HMCN2: variants seen among roughly 807,000 people sequenced by gnomAD.
The protein encoded by HMCN2 is hemicentin-2.
A neutral mutation model predicts 377.5 loss-of-function variants in HMCN2; 325 were observed. That is an observed-to-expected ratio of 0.86 (90% confidence interval 0.79 to 0.94). The LOEUF is 0.94. Among genes scored for constraint, HMCN2 ranks in the 40% least tolerant of loss-of-function variants. HMCN2 has a pLI of 0.00. For synonymous variants in HMCN2, 2,007 were observed against 2,046.8 expected (o/e 0.98, Z 0.53); for missense variants, 4,543 against 4,725.3 (o/e 0.96, Z 1.13).
chr9:130,353,670 G>A (rs1839853730), intron 31 of HMCN2, among the ~76,000 whole-genome samples: 1 of 152,204 alleles, frequency 6.6e-6, no homozygotes, highest in Non-Finnish European at 1.5e-5. Context: ...GAGCAGAGAG[G>A]TTTCCCCAGG....
At chr9:130,298,621 C>G (rs574485114) in intron 7 of HMCN2, among the ~76,000 whole-genome samples, 1 of 152,124 alleles carries the variant, frequency 6.6e-6, no homozygotes, top group Non-Finnish European at 1.5e-5. Flanking sequence ...AACCTGAACA[C>G]GGGGAGAGTC....
intron 1 of HMCN2, among the ~76,000 whole-genome samples, chr9:130,277,751 C>T (rs932803824): frequency 3.0e-4 from 38 of 127,238 alleles, no homozygotes; most frequent in South Asian, 1.6e-3. Context: ...ACCACCACCA[C>T]CATCATCATC....
At chr9:130,349,877 C>G (rs757848857) in intron 29 of HMCN2, among the ~76,000 whole-genome samples, 28 of 143,730 alleles carry the variant, frequency 1.9e-4, no homozygotes, top group Non-Finnish European at 3.5e-4. Flanking sequence ...CTTCTCATCT[C>G]TTAGCCTTTC....
In HMCN2 at chr9:130,423,652, C is replaced by G. The variant is rs1368462253; in HGVS notation, c.13381+926C>G. 6.6e-6 allele frequency among the ~76,000 whole-genome samples: 1 copy of G among 152,168 alleles called. No homozygotes were observed. Among genetic ancestry groups the G allele is most frequent in the Admixed American group, 6.5e-5 (1 of 15,292 alleles). On this transcript the variant is annotated intron_variant, in intron 87 of 97. Transcript: ENST00000683500. This position sits in a 1 kb window ranked among gnomAD's most constrained non-coding sequence, Gnocchi z 5.5. The stretch of plus-strand genomic sequence containing the variant: ...CCTGTGAACCTTGCAAAGCTGGCAC[C>G]GTCCCTGACTCAGAGCAAGTGGGGA...
intron 78 of HMCN2, 38 bp from the exon 79 acceptor site, chr9:130,403,153 AAGG>A: frequency 7.8e-7 from 1 of 1,274,514 alleles, no homozygotes; most frequent in South Asian, 1.3e-5. Flanking sequence ...GAGTTGTGTT[AAGG>A]ACATTCTCAG....
intron 85 of HMCN2, among the ~76,000 whole-genome samples, chr9:130,415,101 A>G (rs747803327): frequency 5.3e-5 from 8 of 152,174 alleles, no homozygotes; most frequent in Non-Finnish European, 1.2e-4. Flanking sequence ...CCGGGTGTCC[A>G]TGGAGGCCAC....
At chr9:130,401,203 A>G (rs1171668700) in intron 77 of HMCN2, among the ~76,000 whole-genome samples, 1 of 152,318 alleles carries the variant, frequency 6.6e-6, no homozygotes, top group East Asian at 1.9e-4. Context: ...AAAATAAGAA[A>G]AATAATAGCT....
chr9:130,277,883 T>TCATCATCATCACCACCAC lies in HMCN2; in HGVS notation c.260-6712_260-6711insTCACCACCACCATCATCA, dbSNP rs1834828928. The stretch of plus-strand genomic sequence containing the variant: ...ACCATCATCATCATCACCACCACCA[T>TCATCATCATCACCACCAC]CATCATCACCACCACCATCATCATC... On this transcript the variant is annotated intron_variant, in intron 1 of 97. Transcript: ENST00000683500. Among the ~76,000 whole-genome samples, 2 of 13,968 alleles carry TCATCATCATCACCACCAC rather than the reference T, an allele frequency of 1.4e-4. 1 individual carries two copies. The highest frequency in any genetic ancestry group is 2.5e-4 in the Non-Finnish European group (2 of 7,974). 9.2% of individuals were successfully genotyped at this position (13,968 alleles called of 152,430 possible). A position where few individuals can be genotyped will look rare whatever the true frequency, so the allele number is the denominator to read the frequency against.
chr9:130,265,835 C>T lies in HMCN2; in HGVS notation c.-44C>T, dbSNP rs1056430498. The T allele has an allele frequency of 6.2e-6, 2 of 321,510 alleles. No homozygotes were observed. The highest frequency in any genetic ancestry group is 4.7e-5 in the African/African-American group (2 of 42,546). The allele number at this position is 321,510 out of a possible 1,614,324, so 19.9% of individuals were successfully genotyped here. The stretch of plus-strand genomic sequence containing the variant: ...CACCGGGGCGGCCGGCTAGCTCCGA[C>T]CTGCGCCTCCACCGCAGCACCCGCA... On this transcript the variant is annotated 5_prime_UTR_variant, in exon 1 of 98. Coordinates refer to ENST00000683500, the MANE Select transcript of HMCN2 (RefSeq NM_001291815.2).
chr9:130,431,303 T>A, intron 95 of HMCN2, 64 bp from the exon 96 acceptor site: 1 of 1,482,338 alleles, frequency 6.7e-7, no homozygotes, highest in Non-Finnish European at 9.1e-7. Context: ...CACGTTGGTG[T>A]CTGTGGCTCA....
At chr9:130,281,861 G>C (rs868974312) in intron 1 of HMCN2, among the ~76,000 whole-genome samples, 15 of 141,588 alleles carry the variant, frequency 1.1e-4, no homozygotes, top group African/African-American at 3.5e-4. Context: ...CTGTGCTCCA[G>C]CCTGGGTGAC....
At chr9:130,350,236 A>T (rs1019179501) in intron 29 of HMCN2, among the ~76,000 whole-genome samples, 3 of 151,096 alleles carry the variant, frequency 2.0e-5, no homozygotes, top group Non-Finnish European at 4.4e-5. Flanking sequence ...CTTTTTCTCT[A>T]AGTAAAATTC....
rs1229888387 is a variant in HMCN2 at position 130,360,106 on chromosome 9, C to T, written c.5774-322C>T. On this transcript the variant is annotated intron_variant, in intron 37 of 97. Transcript: ENST00000683500. This position sits in a 1 kb window ranked among gnomAD's most constrained non-coding sequence, Gnocchi z 4.7. ...TGCTCCTGGCTGCCTCAGCCTCTGCCCACGGGGCTTCTTCTCCACCCTTGG... is the reference window on the plus strand; with the variant it reads ...TGCTCCTGGCTGCCTCAGCCTCTGCTCACGGGGCTTCTTCTCCACCCTTGG... Among the ~76,000 whole-genome samples the T allele has an allele frequency of 6.6e-6, 1 of 152,142 alleles. No homozygotes were observed. Among genetic ancestry groups the T allele is most frequent in the Admixed American group, 6.5e-5 (1 of 15,274 alleles).
rs782406882 is a variant in HMCN2, at chr9:130,302,964, CGA to C, written c.1386_1387del (p.Gly463Ter). 2.1e-6 allele frequency: 1 copy of C among 470,446 alleles called. No individual in the cohort carries two copies. The highest frequency in any genetic ancestry group is 2.0e-5 in the African/African-American group (1 of 50,046). 29.1% of individuals were successfully genotyped at this position (470,446 alleles called of 1,614,324 possible). The part of the protein sequence containing the change: ...SALPFRLQLR[R>X]GEARLGEERH... Reference sequence around the variant, plus strand: ...CCTTCCCTTCCGGCTGCAGCTGCGGCGAGGTGAAGCCAGGCTGGGCGAAGAGA... The same window carrying C: ...CCTTCCCTTCCGGCTGCAGCTGCGGCGGTGAAGCCAGGCTGGGCGAAGAGA... On this transcript the variant is annotated frameshift_variant, in exon 9 of 98. Coordinates refer to ENST00000683500, the MANE Select transcript of HMCN2 (RefSeq NM_001291815.2). LOFTEE classifies it high-confidence loss of function.
Position 130,360,335 on chromosome 9 carries a change from T to G in HMCN2, c.5774-93T>G. ...CCTTGCATCTCTCTTCCTTTCCCCC[T>G]TGCATCTCTCTTCCTTTCCCCCTTA... On this transcript the variant is annotated intron_variant, in intron 37 of 97. Transcript: ENST00000683500. This position sits in a 1 kb window ranked among gnomAD's most constrained non-coding sequence, Gnocchi z 4.7. The G allele has an allele frequency of 4.8e-6, 3 of 623,702 alleles. No individual in the cohort carries two copies. Among genetic ancestry groups the G allele is most frequent in the Non-Finnish European group, 6.7e-6 (3 of 445,810 alleles). The allele number at this position is 623,702 out of a possible 1,614,324, so 38.6% of individuals were successfully genotyped here. A position where few individuals can be genotyped will look rare whatever the true frequency, so the allele number is the denominator to read the frequency against.
At position 130,406,196 on chromosome 9, in the gene HMCN2, CA is replaced by C. The variant is rs1394314817; in HGVS notation, c.12553+29del. 3.9e-6 allele frequency: 5 copies of C among 1,287,872 alleles called. No homozygotes were observed. In the African/African-American group the frequency reaches 7.6e-5, roughly 20 times the overall value. The allele number at this position is 1,287,872 out of a possible 1,614,324, so 79.8% of individuals were successfully genotyped here. On this transcript the variant is annotated intron_variant, in intron 82 of 97. Coordinates refer to ENST00000683500, the MANE Select transcript of HMCN2 (RefSeq NM_001291815.2). Reference sequence around the variant, plus strand: ...CTGGGTCTGCTGGGCATGGGTGGGACAGAGAGCCAGGACACCGGGAGGTTAA... The same window carrying C: ...CTGGGTCTGCTGGGCATGGGTGGGACGAGAGCCAGGACACCGGGAGGTTAA...
rs374355164 is a variant in HMCN2, at chr9:130,360,580, C to T, written c.5926C>T (p.Leu1976=). ...VASNVAGSTE[L]RYGLRVNVPP... is the part of the protein sequence containing the mutation. ...ATCCAATGTGGCAGGTAGCACAGAG[C>T]TGCGGTATGGCCTACGGGTCAATGG... The change falls in exon 38 of 98, where the codon CTG becomes TTG. Residue 1976 remains leucine (L), a synonymous_variant. Transcript: ENST00000683500. The surrounding 1 kb of genome is among the most constrained non-coding windows in gnomAD (Gnocchi z 4.7). 7.7e-7 allele frequency: 1 copy of T among 1,303,006 alleles called. No individual in the cohort carries two copies. Among genetic ancestry groups the T allele is most frequent in the Non-Finnish European group, 1.0e-6 (1 of 988,276 alleles). 80.7% of individuals were successfully genotyped at this position (1,303,006 alleles called of 1,614,324 possible). A position where few individuals can be genotyped will look rare whatever the true frequency, so the allele number is the denominator to read the frequency against.
At chr9:130,297,659 C>T (rs184869368) in intron 7 of HMCN2, among the ~76,000 whole-genome samples, 2 of 152,312 alleles carry the variant, frequency 1.3e-5, no homozygotes, top group African/African-American at 2.4e-5. Context: ...TGCTTTCTTT[C>T]GAGTCTGTCT....
At chr9:130,344,698 G>C (rs1158413301) in intron 25 of HMCN2, among the ~76,000 whole-genome samples, 1 of 150,696 alleles carries the variant, frequency 6.6e-6, no homozygotes, top group East Asian at 2.0e-4. Flanking sequence ...TGTAGTGTGT[G>C]TGTATGATGT....
Sources: gnomAD v4.1 joint callset for allele counts (sites outside exome capture counted in the v4.1 genomes callset) on GRCh38, gnomAD v4.1.1 for gene constraint, Gnocchi (gnomAD v3.1) non-coding constraint, MANE v1.5 for transcripts, NCBI Gene and HGNC (gene_info 2026-07-23, HGNC 2026-07-21) for gene names.